The following PIK3R6 variants were observed in gnomAD, a reference collection of about 807,000 sequenced individuals.
PIK3R6 encodes the protein phosphoinositide-3-kinase regulatory subunit 6.
Under a neutral mutation model 84.9 loss-of-function variants are expected in PIK3R6, and 91 were observed. The ratio of observed to expected loss-of-function variants is 1.07; its 90% CI spans 0.90 to 1.28. The LOEUF (loss-of-function observed/expected upper bound fraction) is 1.28. PIK3R6 is among the 50% of genes most tolerant of loss of function. The pLI is 0.00. For missense variants in PIK3R6, 996 were observed against 985.1 expected, an observed-to-expected ratio of 1.01 and a Z score of -0.15; for synonymous variants, 416 against 411.4, an observed-to-expected ratio of 1.01 and a Z score of -0.13.
At position 8,821,346 on chromosome 17, in the gene PIK3R6, G is replaced by C. The variant is rs905215787; in HGVS notation, c.1879+500C>G. On this transcript the variant is annotated intron_variant, in intron 17 of 19. Coordinates refer to ENST00000619866, the MANE Select transcript of PIK3R6 (RefSeq NM_001010855.4). ...TAATACTAATAGTATCTATTTTCTA[G>C]GGTTCACAAGCTTCACTGCCTGGCC... Among the ~76,000 whole-genome samples, 3 of 152,054 alleles carry C rather than the reference G, an allele frequency of 2.0e-5. No homozygotes were observed. In the South Asian group the frequency reaches 6.2e-4, roughly 32 times the overall value.
rs754507792 is a variant in PIK3R6, at chr17:8,804,155, T to C, written c.1996-2A>G. The C allele has an allele frequency of 6.8e-5, 109 of 1,610,928 alleles. No homozygotes were observed. The highest frequency in any genetic ancestry group is 9.1e-5 in the Non-Finnish European group (107 of 1,177,194). On this transcript the variant is annotated splice_acceptor_variant, in intron 18 of 19. Transcript: ENST00000619866. LOFTEE classifies it high-confidence loss of function. The stretch of plus-strand genomic sequence containing the variant: ...CGTCCTGAAGGTGTTGGTCACTGTC[T>C]GCAGCACAGAGATCGCACGTGTGAG...
intron 1 of PIK3R6, among the ~76,000 whole-genome samples, chr17:8,851,629 G>A (rs753325988): frequency 9.9e-5 from 15 of 152,202 alleles, no homozygotes; most frequent in Non-Finnish European, 1.8e-4. Flanking sequence ...GCTCTGGGGC[G>A]CAGACTCTGG....
At chr17:8,856,311 C>A (rs568571385) in intron 1 of PIK3R6, among the ~76,000 whole-genome samples, 8 of 152,290 alleles carry the variant, frequency 5.3e-5, no homozygotes, top group African/African-American at 1.9e-4. Flanking sequence ...GTATCAAAAT[C>A]AAGATATTGG....
At chr17:8,864,694 C>T (rs559433519) in intron 1 of PIK3R6, among the ~76,000 whole-genome samples, 210 of 152,036 alleles carry the variant, frequency 1.4e-3, no homozygotes, top group Non-Finnish European at 2.4e-3. Context: ...CCCGCCACCA[C>T]GCCCAGCTAA....
chr17:8,840,118 C>T (rs1377773303), intron 2 of PIK3R6, among the ~76,000 whole-genome samples: 1 of 149,180 alleles, frequency 6.7e-6, no homozygotes, highest in Non-Finnish European at 1.5e-5. Context: ...AATATATAGC[C>T]TCCAAATATA....
intron 1 of PIK3R6, among the ~76,000 whole-genome samples, chr17:8,857,541 C>T (rs367587890): frequency 6.6e-6 from 1 of 151,868 alleles, no homozygotes; most frequent in African/African-American, 2.4e-5. Context: ...GGGGCAGCCT[C>T]GAAAGAAAAG....
rs763919130 is a variant in PIK3R6 at position 8,836,825 on chromosome 17, G to T, written c.357C>A (p.Cys119Ter). The change falls in exon 6 of 20, where the codon TGC becomes TGA. Residue 119 changes from cysteine to a stop codon, truncating the protein, a stop_gained. Transcript: ENST00000619866. LOFTEE classifies it high-confidence loss of function. ...PTPYCTVALD[C>*]AIRLKTEMAV... Reference sequence around the variant, plus strand: ...CCATCTCCGTTTTCAGCCTTATCGCGCAGTCCAAGGCGACTGTGCAGTAGG... The same window carrying T: ...CCATCTCCGTTTTCAGCCTTATCGCTCAGTCCAAGGCGACTGTGCAGTAGG... 7 of 1,600,054 alleles carry T rather than the reference G, an allele frequency of 4.4e-6. No individual in the cohort carries two copies. The highest frequency in any genetic ancestry group is 6.0e-6 in the Non-Finnish European group (7 of 1,173,244).
chr17:8,841,077 G>C (rs17456786), intron 2 of PIK3R6, among the ~76,000 whole-genome samples: 3,790 of 152,110 alleles, frequency 0.025, 131 homozygotes, highest in African/African-American at 0.082. Flanking sequence ...AGTAGTTCCT[G>C]AATCCATGCA....
chr17:8,853,847 C>T (rs1477107797), intron 1 of PIK3R6, among the ~76,000 whole-genome samples: 2 of 151,834 alleles, frequency 1.3e-5, no homozygotes, highest in Non-Finnish European at 1.5e-5. Context: ...CCTGTAGTCC[C>T]AGCTACTCGG....
In PIK3R6 at chr17:8,821,937, C is replaced by T. The variant is rs1346324629; in HGVS notation, c.1789-1G>A. ...CTCGGGGCCGGTGGCTAAGCAAGGC[C>T]TGAGGAGGGGGATCGAGGAACAGGT... is the stretch of plus-strand genomic sequence containing the variant. On this transcript the variant is annotated splice_acceptor_variant, in intron 16 of 19. Transcript: ENST00000619866. LOFTEE classifies it high-confidence loss of function. The T allele has an allele frequency of 6.3e-7, 1 of 1,576,132 alleles. No homozygotes were observed. The highest frequency in any genetic ancestry group is 1.2e-5 in the South Asian group (1 of 85,908).
At position 8,803,120 on chromosome 17, in the gene PIK3R6, A is replaced by G; in HGVS notation, c.*153T>C. 3 of 936,996 alleles carry G rather than the reference A, an allele frequency of 3.2e-6. No homozygotes were observed. Among genetic ancestry groups the G allele is most frequent in the Non-Finnish European group, 4.8e-6 (3 of 627,578 alleles). The allele number at this position is 936,996 out of a possible 1,614,324, so 58.0% of individuals were successfully genotyped here. On this transcript the variant is annotated 3_prime_UTR_variant, in exon 20 of 20. Coordinates refer to ENST00000619866, the MANE Select transcript of PIK3R6 (RefSeq NM_001010855.4). The surrounding 1 kb of genome is among the most constrained non-coding windows in gnomAD (Gnocchi z 5.0). ...TGGGCCCTTCCTCATCACAGTCCCCAGGGTAGGCTCCCTGTGCTCCCAGGC... is the reference window on the plus strand; with the variant it reads ...TGGGCCCTTCCTCATCACAGTCCCCGGGGTAGGCTCCCTGTGCTCCCAGGC...
Position 8,835,232 on chromosome 17 carries a change from G to A in PIK3R6, c.645+41C>T, listed in dbSNP as rs186053609. 6.6e-5 allele frequency: 95 copies of A among 1,447,006 alleles called. No homozygotes were observed. The African/African-American group carries it at 1.1e-3, about 17-fold the overall frequency. 89.6% of individuals were successfully genotyped at this position (1,447,006 alleles called of 1,614,324 possible). Reference sequence around the variant, plus strand: ...ATGACTGGTATGGGCATGCAGGGACGAGGGCTGGGACTGACAAGGGGCTGC... The same window carrying A: ...ATGACTGGTATGGGCATGCAGGGACAAGGGCTGGGACTGACAAGGGGCTGC... On this transcript the variant is annotated intron_variant, in intron 8 of 19. Transcript: ENST00000619866.
chr17:8,866,049 A>ACC (rs1489063466), intron 1 of PIK3R6, among the ~76,000 whole-genome samples: 37 of 151,998 alleles, frequency 2.4e-4, no homozygotes, highest in African/African-American at 8.9e-4. Context: ...AGCAGGTTCT[A>ACC]GTGTGAGGCA....
At position 8,803,410 on chromosome 17, in the gene PIK3R6, G is replaced by A. The variant is rs1235123935; in HGVS notation, c.2128C>T (p.Pro710Ser). 3 of 1,609,458 alleles carry A rather than the reference G, an allele frequency of 1.9e-6. No homozygotes were observed. The highest frequency in any genetic ancestry group is 2.5e-6 in the Non-Finnish European group (3 of 1,177,878). The change falls in exon 20 of 20, where the codon CCA (proline) becomes TCA (serine). Residue 710 changes from proline to serine, a missense_variant. Physicochemically the swap from Pro to Ser is moderately conservative, Grantham distance 74. Transcript: ENST00000619866. This position sits in a 1 kb window ranked among gnomAD's most constrained non-coding sequence, Gnocchi z 5.0. ...DVVRFEVAPC[P>S]EPCSGAQKSK... ...TTCTGGGCCCCAGAACATGGTTCTG[G>A]GCAGGGAGCAACCTCGAATCTGTGG...
intron 1 of PIK3R6, among the ~76,000 whole-genome samples, chr17:8,859,132 T>C (rs900662303): frequency 2.0e-5 from 3 of 152,224 alleles, no homozygotes; most frequent in African/African-American, 7.2e-5. Flanking sequence ...GACTTGCAAC[T>C]TCTATTTGCT....
At position 8,836,549 on chromosome 17, in the gene PIK3R6, C is replaced by T; in HGVS notation, c.459G>A (p.Glu153=). 1.2e-6 allele frequency: 2 copies of T among 1,613,998 alleles called. No individual in the cohort carries two copies. Among genetic ancestry groups the T allele is most frequent in the Non-Finnish European group, 1.7e-6 (2 of 1,179,890 alleles). ...GCAATTTTTCTGGGGCCACTCACCT[C>T]TCCTGGTAGGGATACAGCTCATTCG... ...NLTNELYPYQ[E]RVFLFVDPEL... Residue 153 remains glutamate, a splice_region_variant and synonymous_variant, in exon 7 of 20, where the codon GAG becomes GAA. Transcript: ENST00000619866.
intron 16 of PIK3R6, 114 bp from the exon 17 acceptor site, chr17:8,822,050 G>GT: frequency 1.5e-5 from 8 of 522,302 alleles, no homozygotes; most frequent in East Asian, 3.9e-5. Context: ...TGCTGTGAGA[G>GT]TCTTTTTTTT....
rs1484727371 is a variant in PIK3R6, at chr17:8,842,021, C to T, written c.14-2324G>A. Among the ~76,000 whole-genome samples the T allele has an allele frequency of 6.6e-5, 10 of 152,052 alleles. No homozygotes were observed. Among genetic ancestry groups the T allele is most frequent in the Admixed American group, 1.3e-4 (2 of 15,262 alleles). The stretch of plus-strand genomic sequence containing the variant: ...TGAGAACTGGTTGTTAAAAAGAGCC[C>T]GGCACCTTCCCCCTCTCTCTTGCTT... On this transcript the variant is annotated intron_variant, in intron 2 of 19. Transcript: ENST00000619866. This position sits in a 1 kb window ranked among gnomAD's most constrained non-coding sequence, Gnocchi z 4.5.
rs1023813271 is a variant in PIK3R6, at chr17:8,832,827, G to A, written c.802+62C>T. The A allele has an allele frequency of 3.7e-6, 6 of 1,607,174 alleles. No individual in the cohort carries two copies. In the Admixed American group the frequency reaches 8.4e-5, roughly 22 times the overall value. On this transcript the variant is annotated intron_variant, in intron 9 of 19. Coordinates refer to ENST00000619866, the MANE Select transcript of PIK3R6 (RefSeq NM_001010855.4). ...CCAGCGCTGCTCTCTGGCGCCCCCT[G>A]CTGTGCAGTGAGCTGCCCCCGCGGG...
Sources: gnomAD v4.1 joint callset for allele counts (sites outside exome capture counted in the v4.1 genomes callset) on GRCh38, gnomAD v4.1.1 for gene constraint, Gnocchi (gnomAD v3.1) non-coding constraint, MANE v1.5 for transcripts, NCBI Gene and HGNC (gene_info 2026-07-23, HGNC 2026-07-21) for gene names.